RGS6: variants seen among roughly 807,000 people sequenced by gnomAD.
RGS6 encodes regulator of G-protein signaling 6.
Under a neutral mutation model 78.5 loss-of-function variants are expected in RGS6, and 30 were observed. The ratio of observed to expected loss-of-function variants is 0.38; its 90% CI spans 0.29 to 0.52. The LOEUF is 0.52. RGS6 is among the 20% of genes least tolerant of loss of function. RGS6 has a pLI of 0.85. For missense variants in RGS6, 495 were observed against 609.7 expected, an observed-to-expected ratio of 0.81 and a Z score of 1.98; for synonymous variants, 206 against 206.0, an observed-to-expected ratio of 1.00 and a Z score of 0.00.
intron 2 of RGS6, among the ~76,000 whole-genome samples, chr14:72,295,665 G>A (rs1423080904): frequency 6.6e-6 from 1 of 152,172 alleles, no homozygotes; most frequent in Non-Finnish European, 1.5e-5. Context: ...TATTTAGGAT[G>A]TTTTTATATA....
At chr14:72,113,231 C>G (rs186155541) in intron 2 of RGS6, among the ~76,000 whole-genome samples, 1 of 152,168 alleles carries the variant, frequency 6.6e-6, no homozygotes. Context: ...GTACCTTGTA[C>G]GTTTACACAT....
upstream of RGS6, among the ~76,000 whole-genome samples, chr14:71,930,816 C>T (rs71427135): frequency 6.6e-4 from 100 of 150,386 alleles, 1 homozygote; most frequent in African/African-American, 2.4e-3. Flanking sequence ...AACCCCATCT[C>T]TACTGAAAAC....
intron 3 of RGS6, among the ~76,000 whole-genome samples, chr14:72,435,852 A>G (rs1049771715): frequency 1.3e-5 from 2 of 150,894 alleles, no homozygotes; most frequent in African/African-American, 4.9e-5. Flanking sequence ...ACCCACATGG[A>G]TAATCTCTCC....
chr14:72,412,559 C>G (rs545610680), intron 3 of RGS6, among the ~76,000 whole-genome samples: 2 of 152,122 alleles, frequency 1.3e-5, no homozygotes, highest in Non-Finnish European at 2.9e-5. Flanking sequence ...TTTTGTGTCT[C>G]TATCTCCTTC....
chr14:72,370,048 T>C lies in RGS6; in HGVS notation c.184+17854T>C, dbSNP rs545745559. 6.6e-5 allele frequency among the ~76,000 whole-genome samples: 10 copies of C among 152,170 alleles called. No homozygotes were observed. The South Asian group carries it at 2.1e-3, about 32-fold the overall frequency. ...AAAGCCATGAATTCATAACCATATA[T>C]ACATTTATATAATCAAAATTGATTT... is the stretch of plus-strand genomic sequence containing the variant. On this transcript the variant is annotated intron_variant, in intron 3 of 17. Coordinates refer to ENST00000553525, the MANE Select transcript of RGS6 (RefSeq NM_001204424.2).
intron 2 of RGS6, among the ~76,000 whole-genome samples, chr14:72,227,326 G>T (rs753231028): frequency 6.6e-6 from 1 of 152,114 alleles, no homozygotes; most frequent in Non-Finnish European, 1.5e-5. Context: ...TGTTGCCCAG[G>T]CTGGACTTGA....
the RGS6 span, among the ~76,000 whole-genome samples, chr14:71,897,228 A>C: frequency 6.6e-6 from 1 of 152,346 alleles, no homozygotes; most frequent in East Asian, 1.9e-4. Flanking sequence ...GCAAGGCAGC[A>C]TTGGTGAAGT....
At chr14:72,295,719 A>G (rs960159973) in intron 2 of RGS6, among the ~76,000 whole-genome samples, 4 of 152,198 alleles carry the variant, frequency 2.6e-5, no homozygotes, top group African/African-American at 9.6e-5. Context: ...TTAATATTTG[A>G]CATTCTATTG....
chr14:72,190,115 G>T (rs2097303763), intron 2 of RGS6, among the ~76,000 whole-genome samples: 1 of 152,082 alleles, frequency 6.6e-6, no homozygotes. Context: ...GTGCACTGAG[G>T]ACTTTTCCCT....
intron 2 of RGS6, among the ~76,000 whole-genome samples, chr14:72,021,027 T>C (rs1039218578): frequency 4.6e-5 from 7 of 152,238 alleles, no homozygotes; most frequent in African/African-American, 1.7e-4. Flanking sequence ...TTCTTCCTCC[T>C]TGTGTCTTGC....
At chr14:72,315,850 C>T (rs1443873715) in intron 2 of RGS6, among the ~76,000 whole-genome samples, 1 of 152,214 alleles carries the variant, frequency 6.6e-6, no homozygotes, top group African/African-American at 2.4e-5. Flanking sequence ...AAGTTCTTCC[C>T]AGGCAGTGTG....
intron 3 of RGS6, among the ~76,000 whole-genome samples, chr14:72,361,824 G>A (rs1214119595): frequency 1.3e-5 from 2 of 152,112 alleles, no homozygotes; most frequent in Non-Finnish European, 2.9e-5. Context: ...TCAAAGCTGA[G>A]TGTGTTTTAG....
At chr14:72,142,774 C>T (rs1567299682) in intron 2 of RGS6, among the ~76,000 whole-genome samples, 1 of 152,136 alleles carries the variant, frequency 6.6e-6, no homozygotes, top group East Asian at 1.9e-4. Flanking sequence ...TCTTTGTTTA[C>T]ACAGGTGAGG....
At chr14:72,507,349 G>A (rs187930849) in intron 13 of RGS6, among the ~76,000 whole-genome samples, 3 of 152,282 alleles carry the variant, frequency 2.0e-5, no homozygotes, top group African/African-American at 4.8e-5. Flanking sequence ...ATAGAGCATG[G>A]CCCTGTCAAC....
At chr14:72,492,100 G>C (rs1481880284) in intron 12 of RGS6, among the ~76,000 whole-genome samples, 1 of 152,176 alleles carries the variant, frequency 6.6e-6, no homozygotes, top group Non-Finnish European at 1.5e-5. Flanking sequence ...TGGAAAGTGT[G>C]ATACCTTTCC....
At chr14:72,230,424 G>A (rs1186107850) in intron 2 of RGS6, among the ~76,000 whole-genome samples, 1 of 152,170 alleles carries the variant, frequency 6.6e-6, no homozygotes, top group East Asian at 1.9e-4. Flanking sequence ...GGCAGGGTGG[G>A]GAGCTTAAAA....
At chr14:72,417,819 C>T (rs372891598) in intron 3 of RGS6, among the ~76,000 whole-genome samples, 1 of 152,232 alleles carries the variant, frequency 6.6e-6, no homozygotes, top group Admixed American at 6.5e-5. Context: ...GTTAATTCTT[C>T]TTTGCCCCAC....
rs905213134 is a variant in RGS6, at chr14:72,388,415, G to A, written c.184+36221G>A. ...GTAACCTCTATCTATGACCTTCCAC[G>A]TCAGTGCAATAACTAATACAGCCAT... On this transcript the variant is annotated intron_variant, in intron 3 of 17. Coordinates refer to ENST00000553525, the MANE Select transcript of RGS6 (RefSeq NM_001204424.2). 6.6e-5 allele frequency among the ~76,000 whole-genome samples: 10 copies of A among 152,250 alleles called. No homozygotes were observed. In the South Asian group the frequency reaches 1.2e-3, roughly 19 times the overall value.
chr14:71,969,268 T>A (rs1174385210), intron 2 of RGS6, among the ~76,000 whole-genome samples: 1 of 152,238 alleles, frequency 6.6e-6, no homozygotes, highest in South Asian at 2.1e-4. Context: ...TTCATTCTAC[T>A]CATTGGTGCT....
Sources: gnomAD v4.1 joint callset for allele counts (sites outside exome capture counted in the v4.1 genomes callset) on GRCh38, gnomAD v4.1.1 for gene constraint, MANE v1.5 for transcripts, NCBI Gene and HGNC (gene_info 2026-07-23, HGNC 2026-07-21) for gene names.